ERCC4: variants seen among roughly 807,000 people sequenced by gnomAD.
ERCC4 encodes DNA repair endonuclease XPF.
A neutral mutation model predicts 76.9 loss-of-function variants in ERCC4; 65 were observed. The observed-to-expected ratio is 0.84, with a 90% confidence interval of 0.69 to 1.04. The LOEUF (loss-of-function observed/expected upper bound fraction) is 1.04. Among genes scored for constraint, ERCC4 ranks in the 50% least tolerant of loss-of-function variants. ERCC4 has a pLI of 0.00. For missense variants in ERCC4, 1,214 were observed against 1,128.2 expected, an observed-to-expected ratio of 1.08 and a Z score of -1.09; for synonymous variants, 463 against 410.1, an observed-to-expected ratio of 1.13 and a Z score of -1.56.
At chr16:13,931,101 T>C in intron 5 of ERCC4, 1 of 563,822 alleles carries the variant, frequency 1.8e-6, no homozygotes, top group Non-Finnish European at 3.1e-6. Flanking sequence ...ATAATAAATA[T>C]TCATATCCGT....
rs181993439 is a variant in ERCC4, at chr16:13,926,647, G to C, written c.475G>C (p.Gly159Arg). 6.2e-7 allele frequency: 1 copy of C among 1,613,918 alleles called. No homozygotes were observed. Among genetic ancestry groups the C allele is most frequent in the East Asian group, 2.2e-5 (1 of 44,856 alleles). The change falls in exon 3 of 11, where the codon GGT becomes CGT. Residue 159 changes from glycine to arginine, a missense_variant. By Grantham distance (125) the Gly-to-Arg change is moderately radical. Coordinates refer to ENST00000311895, the MANE Select transcript of ERCC4 (RefSeq NM_005236.3). ...LRLFRQKNKR[G>R]FIKAFTDNAV... ...CCTCTTTCGCCAGAAAAACAAACGTGGTTTTATTAAAGCTTTCACAGACAA... is the reference window on the plus strand; with the variant it reads ...CCTCTTTCGCCAGAAAAACAAACGTCGTTTTATTAAAGCTTTCACAGACAA...
Position 13,949,311 on chromosome 16 carries a change from A to G in ERCC4, c.*964A>G, listed in dbSNP as rs1056679577. On this transcript the variant is annotated 3_prime_UTR_variant, in exon 11 of 11. Transcript: ENST00000311895. ...AGCTCTTATATCCTAAGACACCAGC[A>G]TCATATCCTCTAGAAATACAACCTA... 8.5e-6 allele frequency: 2 copies of G among 233,944 alleles called. No individual in the cohort carries two copies. Among genetic ancestry groups the G allele is most frequent in the Non-Finnish European group, 1.7e-5 (2 of 118,504 alleles). The allele number at this position is 233,944 out of a possible 1,614,324, so 14.5% of individuals were successfully genotyped here.
intron 4 of ERCC4, among the ~76,000 whole-genome samples, chr16:13,930,248 C>T (rs2032147620): frequency 6.6e-6 from 1 of 152,002 alleles, no homozygotes; most frequent in African/African-American, 2.4e-5. Flanking sequence ...CTTGTGTATG[C>T]CCTCTGCTTG....
intron 7 of ERCC4, chr16:13,934,870 A>G (rs2032251921): frequency 5.6e-6 from 2 of 354,280 alleles, no homozygotes; most frequent in South Asian, 5.6e-5. Flanking sequence ...ATATTAATTA[A>G]AAAGAACTTC....
At chr16:13,920,898 G>T (rs2031960816) in intron 1 of ERCC4, among the ~76,000 whole-genome samples, 3 of 152,132 alleles carry the variant, frequency 2.0e-5, no homozygotes, top group Non-Finnish European at 4.4e-5. Flanking sequence ...GGGATGGGAG[G>T]GGTCCCCAGA....
intron 9 of ERCC4, among the ~76,000 whole-genome samples, chr16:13,938,808 C>T (rs553625825): frequency 2.0e-5 from 3 of 152,278 alleles, no homozygotes; most frequent in African/African-American, 4.8e-5. Flanking sequence ...GTGGTGGCTG[C>T]GGGTTCTCAG....
At chr16:13,936,010 A>G (rs2032284688) in intron 8 of ERCC4, among the ~76,000 whole-genome samples, 1 of 152,198 alleles carries the variant, frequency 6.6e-6, no homozygotes, top group African/African-American at 2.4e-5. Flanking sequence ...ATTGGTTTGC[A>G]TCGTATGGGG....
intron 1 of ERCC4, among the ~76,000 whole-genome samples, chr16:13,921,357 TGAGAG>T (rs1038249553): frequency 2.6e-5 from 4 of 152,036 alleles, no homozygotes; most frequent in African/African-American, 9.7e-5. Flanking sequence ...TGAGGGGTGT[TGAGAG>T]GGGACACAGC....
At chr16:13,937,417 A>G (rs1361560383) in intron 8 of ERCC4, among the ~76,000 whole-genome samples, 1 of 152,210 alleles carries the variant, frequency 6.6e-6, no homozygotes, top group Non-Finnish European at 1.5e-5. Context: ...TGGCTGAGGT[A>G]CAAAGAAAGA....
chr16:13,920,460 G>C (rs1326357395), intron 1 of ERCC4, 88 bp downstream of exon 1: 1 of 1,171,416 alleles, frequency 8.5e-7, no homozygotes, highest in African/African-American at 1.5e-5. Context: ...AGGGATGGAG[G>C]GGCTCTGAGG....
intron 1 of ERCC4, 81 bp from the exon 2 acceptor site, chr16:13,921,950 G>T: frequency 1.2e-6 from 1 of 850,500 alleles, no homozygotes; most frequent in Non-Finnish European, 2.0e-6. Context: ...GAGAAAGACA[G>T]CACATTATTT....
At chr16:13,945,232 T>A (rs1263970260) in intron 10 of ERCC4, among the ~76,000 whole-genome samples, 1 of 152,224 alleles carries the variant, frequency 6.6e-6, no homozygotes, top group Non-Finnish European at 1.5e-5. Context: ...AAGTTTCTCC[T>A]TCCCTCCTCT....
intron 1 of ERCC4, among the ~76,000 whole-genome samples, chr16:13,920,674 A>T (rs754768007): frequency 2.3e-4 from 35 of 151,730 alleles, no homozygotes; most frequent in South Asian, 4.2e-4. Context: ...GAGTTGAAGA[A>T]CACTAAGAGG....
At position 13,950,307 on chromosome 16, in the gene ERCC4, T is replaced by C. The variant is rs1466197456; in HGVS notation, c.*1960T>C. The C allele has an allele frequency of 1.6e-5, 3 of 189,660 alleles. No individual in the cohort carries two copies. The highest frequency in any genetic ancestry group is 7.0e-5 in the African/African-American group (3 of 42,884). The allele number at this position is 189,660 out of a possible 1,614,324, so 11.7% of individuals were successfully genotyped here. On this transcript the variant is annotated 3_prime_UTR_variant, in exon 11 of 11. Coordinates refer to ENST00000311895, the MANE Select transcript of ERCC4 (RefSeq NM_005236.3). The stretch of plus-strand genomic sequence containing the variant: ...CGTTTCTGAACTGAACCTCTCACAT[T>C]GGCATCTTGATTTATTGGTACTTAA...
chr16:13,947,962 C>G lies in ERCC4; in HGVS notation c.2366C>G (p.Thr789Ser), dbSNP rs2032552789. The G allele has an allele frequency of 6.2e-7, 1 of 1,614,076 alleles. No homozygotes were observed. The highest frequency in any genetic ancestry group is 1.3e-5 in the African/African-American group (1 of 74,912). Residue 789 changes from threonine (T) to serine (S), a missense_variant, in exon 11 of 11, where the codon ACT becomes AGT. By Grantham distance (58) the Thr-to-Ser change is moderately conservative. Transcript: ENST00000311895. ...ISSNDISSKL[T>S]LLTLHFPRLR... ...AGCAATGACATTAGTTCCAAACTCA[C>G]TCTTCTTACACTTCACTTCCCCAGA... is the stretch of plus-strand genomic sequence containing the variant.
intron 9 of ERCC4, among the ~76,000 whole-genome samples, chr16:13,943,217 C>A (rs2032449118): frequency 6.6e-6 from 1 of 152,202 alleles, no homozygotes; most frequent in Non-Finnish European, 1.5e-5. Flanking sequence ...GAATTGAACC[C>A]TCTGATTTCA....
intron 8 of ERCC4, 66 bp from the exon 9 acceptor site, chr16:13,937,700 C>A: frequency 1.0e-6 from 1 of 956,630 alleles, no homozygotes; most frequent in South Asian, 1.3e-5. Context: ...TTCACATGTT[C>A]TGCTGTTCCT....
intron 1 of ERCC4, 65 bp downstream of exon 1, chr16:13,920,437 C>G: frequency 2.9e-6 from 4 of 1,390,448 alleles, no homozygotes; most frequent in Non-Finnish European, 3.9e-6. Context: ...TGAGCGGATG[C>G]GAGGCCTCTG....
rs1053104762 is a variant in ERCC4, at chr16:13,948,437, A to G, written c.*90A>G. The G allele has an allele frequency of 7.6e-6, 11 of 1,444,976 alleles. No homozygotes were observed. In the East Asian group the frequency reaches 2.3e-4, roughly 30 times the overall value. 89.5% of individuals were successfully genotyped at this position (1,444,976 alleles called of 1,614,324 possible). A position where few individuals can be genotyped will look rare whatever the true frequency, so the allele number is the denominator to read the frequency against. ...GGTCATTATTAATTATTGGTTTGCT[A>G]TTTCATTCTTTTCCAATGCTCTTAA... is the stretch of plus-strand genomic sequence containing the variant. On this transcript the variant is annotated 3_prime_UTR_variant, in exon 11 of 11. Transcript: ENST00000311895.
Sources: allele counts gnomAD v4.1 joint callset (sites outside exome capture counted in the v4.1 genomes callset), GRCh38; gene constraint gnomAD v4.1.1; transcripts MANE v1.5; gene names NCBI Gene and HGNC (gene_info 2026-07-23, HGNC 2026-07-21).